Variants in SLC25A21 observed in about 807,000 individuals in gnomAD.
The protein encoded by SLC25A21 is solute carrier family 25 member 21, also known as mitochondrial 2-oxodicarboxylate carrier.
A neutral mutation model predicts 43.8 loss-of-function variants in SLC25A21; 47 were observed. The observed-to-expected ratio is 1.07, with a 90% CI of 0.85 to 1.37. The LOEUF (loss-of-function observed/expected upper bound fraction) is 1.37, where lower values mean the gene tolerates loss of function less well. Ranked by LOEUF, SLC25A21 falls within the 40% of genes most tolerant of loss-of-function variation. The pLI, the probability that SLC25A21 is intolerant of heterozygous loss-of-function variation, is 0.00. For synonymous variants in SLC25A21, 131 were observed against 121.3 expected (o/e 1.08, Z -0.52); for missense variants, 352 against 350.2 (o/e 1.00, Z -0.04).
At chr14:36,742,055 T>C (rs2139242097) in intron 3 of SLC25A21, among the ~76,000 whole-genome samples, 1 of 152,340 alleles carries the variant, frequency 6.6e-6, no homozygotes, top group South Asian at 2.1e-4. Context: ...GGCATCCTCC[T>C]GATTTCCATT....
chr14:36,884,695 T>A (rs992989643), intron 1 of SLC25A21, among the ~76,000 whole-genome samples: 1 of 152,202 alleles, frequency 6.6e-6, no homozygotes, highest in African/African-American at 2.4e-5. Context: ...TGATATCTCA[T>A]TGCGGTTTTA....
intron 7 of SLC25A21, among the ~76,000 whole-genome samples, chr14:36,688,513 T>C (rs1264284637): frequency 6.6e-6 from 1 of 152,218 alleles, no homozygotes; most frequent in Non-Finnish European, 1.5e-5. Context: ...AGACCCCTGT[T>C]ACCCCTGTGG....
chr14:37,138,459 C>A (rs1023490813), intron 1 of SLC25A21, among the ~76,000 whole-genome samples: 1 of 151,840 alleles, frequency 6.6e-6, no homozygotes, highest in Non-Finnish European at 1.5e-5. Flanking sequence ...CATTGTAGAC[C>A]ATGTTTTCTT....
At chr14:36,917,206 C>T (rs1013834794) in intron 1 of SLC25A21, among the ~76,000 whole-genome samples, 2 of 152,032 alleles carry the variant, frequency 1.3e-5, no homozygotes, top group African/African-American at 4.8e-5. Flanking sequence ...AAACACTTAC[C>T]CATAGAAGAA....
intron 1 of SLC25A21, among the ~76,000 whole-genome samples, chr14:36,960,639 G>A (rs1246047264): frequency 6.6e-6 from 1 of 151,662 alleles, no homozygotes; most frequent in Non-Finnish European, 1.5e-5. Flanking sequence ...CCCCTGCCCC[G>A]CCTTCTGCCT....
At chr14:36,916,766 T>G (rs1384310121) in intron 1 of SLC25A21, among the ~76,000 whole-genome samples, 1 of 152,166 alleles carries the variant, frequency 6.6e-6, no homozygotes, top group African/African-American at 2.4e-5. Flanking sequence ...CTCTACGGCC[T>G]AGACCCAGCT....
chr14:36,686,956 GTATT>G (rs956391947), intron 7 of SLC25A21, among the ~76,000 whole-genome samples: 20 of 152,066 alleles, frequency 1.3e-4, no homozygotes, highest in African/African-American at 3.6e-4. Flanking sequence ...ACCTTTGTTT[GTATT>G]TATTTATTTG....
chr14:36,777,655 C>A (rs976878245), intron 3 of SLC25A21, among the ~76,000 whole-genome samples: 3 of 152,138 alleles, frequency 2.0e-5, no homozygotes, highest in African/African-American at 7.2e-5. Context: ...CCAGAAGTCA[C>A]CCAAAGCAGG....
At chr14:36,771,460 C>T (rs1886615400) in intron 3 of SLC25A21, among the ~76,000 whole-genome samples, 1 of 152,150 alleles carries the variant, frequency 6.6e-6, no homozygotes, top group African/African-American at 2.4e-5. Flanking sequence ...TATGTAAACA[C>T]AGCTGGTCCA....
At chr14:37,110,909 C>T (rs17106327) in intron 1 of SLC25A21, among the ~76,000 whole-genome samples, 18,520 of 151,598 alleles carry the variant, frequency 0.12, 2,834 homozygotes, top group African/African-American at 0.36. Context: ...TATTCTATCG[C>T]TCTAAAAAAG....
chr14:37,015,130 T>G (rs1194443723), intron 1 of SLC25A21, among the ~76,000 whole-genome samples: 2 of 151,912 alleles, frequency 1.3e-5, no homozygotes, highest in African/African-American at 2.4e-5. Flanking sequence ...CATGCTGGTG[T>G]GCTGCATCCA....
chr14:37,061,580 CAAT>C (rs747524698), intron 1 of SLC25A21, among the ~76,000 whole-genome samples: 3 of 150,914 alleles, frequency 2.0e-5, no homozygotes, highest in Non-Finnish European at 4.4e-5. Flanking sequence ...ATTTAGAGAA[CAAT>C]GAGGAACAAA....
chr14:37,141,767 C>T (rs529664496), intron 1 of SLC25A21, among the ~76,000 whole-genome samples: 1 of 152,236 alleles, frequency 6.6e-6, no homozygotes, highest in African/African-American at 2.4e-5. Flanking sequence ...TTATATTTTT[C>T]TAGATTGCAC....
chr14:36,682,910 T>C (rs1395697925), intron 9 of SLC25A21, among the ~76,000 whole-genome samples: 2 of 152,170 alleles, frequency 1.3e-5, no homozygotes, highest in African/African-American at 2.4e-5. Context: ...CTTAGATTAA[T>C]AGAAATGTTG....
chr14:37,101,513 A>T (rs1459990696), intron 1 of SLC25A21, among the ~76,000 whole-genome samples: 1 of 152,218 alleles, frequency 6.6e-6, no homozygotes, highest in African/African-American at 2.4e-5. Flanking sequence ...TATAAAAGCC[A>T]GATAAATGAA....
chr14:36,880,638 GTCAGCTAAATTC>G (rs1462946792), intron 1 of SLC25A21, among the ~76,000 whole-genome samples: 1 of 112,778 alleles, frequency 8.9e-6, no homozygotes, highest in Non-Finnish European at 2.1e-5. Flanking sequence ...ATGCCATTAT[GTCAGCTAAATTC>G]TCAAGATAAA....
intron 1 of SLC25A21, among the ~76,000 whole-genome samples, chr14:37,146,270 G>GT (rs1963662664): frequency 6.6e-6 from 1 of 152,140 alleles, no homozygotes; most frequent in African/African-American, 2.4e-5. Flanking sequence ...CAGACCAAGA[G>GT]TTTCTTTTGT....
At chr14:37,163,033 T>C (rs1029831261) in intron 1 of SLC25A21, among the ~76,000 whole-genome samples, 49 of 150,484 alleles carry the variant, frequency 3.3e-4, no homozygotes, top group Non-Finnish European at 6.8e-4. Flanking sequence ...CAGTAAACTA[T>C]CACAAGAACA....
At chr14:36,714,654 G>A (rs7159041) in intron 6 of SLC25A21, among the ~76,000 whole-genome samples, 168 of 152,306 alleles carry the variant, frequency 1.1e-3, no homozygotes, top group African/African-American at 3.9e-3. Flanking sequence ...TACGTGATCA[G>A]GTAGCTGGAA....
Sources: allele counts gnomAD v4.1 joint callset (sites outside exome capture counted in the v4.1 genomes callset), GRCh38; gene constraint gnomAD v4.1.1; transcripts MANE v1.5; gene names NCBI Gene and HGNC (gene_info 2026-07-23, HGNC 2026-07-21).